FRMD1: variants seen among roughly 807,000 people sequenced by gnomAD.
FRMD1 encodes FERM domain containing 1, also known as FERM domain-containing protein 1.
In FRMD1, 51 loss-of-function variants were observed where a neutral mutation model predicts 54.9. That is an observed-to-expected ratio of 0.93 (90% CI 0.74 to 1.17). The LOEUF (loss-of-function observed/expected upper bound fraction) is 1.17. Ranked by LOEUF, FRMD1 falls within the 50% of genes most tolerant of loss-of-function variation. The pLI, the probability that FRMD1 is intolerant of heterozygous loss-of-function variation, is 0.00. For missense variants in FRMD1, 729 were observed against 743.0 expected, an observed-to-expected ratio of 0.98 and a Z score of 0.22; for synonymous variants, 324 against 306.4, an observed-to-expected ratio of 1.06 and a Z score of -0.60.
In FRMD1 at chr6:168,056,898, G is replaced by A; in HGVS notation, c.*199C>T. 2.0e-6 allele frequency: 1 copy of A among 510,992 alleles called. No homozygotes were observed. Among genetic ancestry groups the A allele is most frequent in the Middle Eastern group, 5.2e-4 (1 of 1,914 alleles). The allele number at this position is 510,992 out of a possible 1,614,324, so 31.7% of individuals were successfully genotyped here. ...TCCCGGGTGTATGGCAGACAGGCAT[G>A]AGGTGCGGGACCTGTTTGTTACCTC... is the stretch of plus-strand genomic sequence containing the variant. On this transcript the variant is annotated 3_prime_UTR_variant, in exon 11 of 11. Transcript: ENST00000283309.
chr6:168,073,804 G>A (rs1800425159), intron 2 of FRMD1, among the ~76,000 whole-genome samples: 1 of 152,112 alleles, frequency 6.6e-6, no homozygotes, highest in Admixed American at 6.5e-5. Context: ...ACACTGGGAG[G>A]ATGGAGTGTG....
At chr6:168,092,056 GGCT>G (rs1801024537) in intron 1 of FRMD1, among the ~76,000 whole-genome samples, 1 of 152,238 alleles carries the variant, frequency 6.6e-6, no homozygotes, top group Admixed American at 6.5e-5. Flanking sequence ...CCCTCTGCTG[GGCT>G]GCTGCTGGCT....
intron 1 of FRMD1, chr6:168,075,853 GT>G: frequency 1.3e-5 from 19 of 1,450,886 alleles, no homozygotes; most frequent in East Asian, 8.3e-5. Context: ...CCGGCGTCCC[GT>G]GTCCACATTT....
intron 1 of FRMD1, chr6:168,075,669 T>G (rs1182291429): frequency 1.6e-6 from 2 of 1,262,500 alleles, no homozygotes; most frequent in Admixed American, 2.0e-5. Flanking sequence ...AGGGCCGCCC[T>G]CTGGGCTCTG....
chr6:168,061,973 C>G lies in FRMD1; in HGVS notation c.879G>C (p.Lys293Asn). 1 of 1,594,414 alleles carries G rather than the reference C, an allele frequency of 6.3e-7. No individual in the cohort carries two copies. The highest frequency in any genetic ancestry group is 8.5e-7 in the Non-Finnish European group (1 of 1,171,048). ...GCAGCCCATCCAGCTGGATCTCCAG[C>G]TTCTTTCCCTGAGCAAACAGGAGAG... ...LRGVHIYQGK[K>N]LEIQLDGLPA... The change falls in exon 8 of 11, where the codon AAG (lysine) becomes AAC (asparagine). Residue 293 changes from lysine (K) to asparagine (N), a missense_variant. Lys to Asn is a moderately conservative substitution (Grantham distance 94). Coordinates refer to ENST00000283309, the MANE Select transcript of FRMD1 (RefSeq NM_024919.6).
Position 168,062,918 on chromosome 6 carries a change from G to T in FRMD1, c.846C>A (p.Ala282=). ...CCTGGTAGATGTGCACTCCCCTGAGGGCCAGTCCCAGGATCACGGTGGGAC... is the reference window on the plus strand; with the variant it reads ...CCTGGTAGATGTGCACTCCCCTGAGTGCCAGTCCCAGGATCACGGTGGGAC... The part of the protein sequence containing the change: ...EGRPTVILGL[A]LRGVHIYQGK... Residue 282 remains alanine, a synonymous_variant, in exon 7 of 11, where the codon GCC becomes GCA. Coordinates refer to ENST00000283309, the MANE Select transcript of FRMD1 (RefSeq NM_024919.6). 6.2e-7 allele frequency: 1 copy of T among 1,614,090 alleles called. No individual in the cohort carries two copies. Among genetic ancestry groups the T allele is most frequent in the Non-Finnish European group, 8.5e-7 (1 of 1,179,950 alleles).
intron 7 of FRMD1, 199 bp downstream of exon 7, chr6:168,062,695 G>A (rs1195804042): frequency 6.4e-7 from 1 of 1,551,096 alleles, no homozygotes. Context: ...TCCCAACGTG[G>A]GGCCAGGGGA....
chr6:168,089,112 C>A (rs1359649013), intron 1 of FRMD1, among the ~76,000 whole-genome samples: 1 of 152,258 alleles, frequency 6.6e-6, no homozygotes, highest in Non-Finnish European at 1.5e-5. Context: ...AGCAGCCTGC[C>A]TGGGGGGCTG....
chr6:168,088,186 G>A (rs1800953937), intron 1 of FRMD1, among the ~76,000 whole-genome samples: 1 of 152,222 alleles, frequency 6.6e-6, no homozygotes. Context: ...GGCCCATGCT[G>A]CCTCTGGGAT....
At chr6:168,091,541 G>A (rs7740995) in intron 1 of FRMD1, among the ~76,000 whole-genome samples, 48,720 of 152,048 alleles carry the variant, frequency 0.32, 8,335 homozygotes, top group African/African-American at 0.43. Context: ...GGGCGTCCTC[G>A]CCCTACAGAG....
rs79010811 is a variant in FRMD1, at chr6:168,072,028, C to T, written c.304+3217G>A. 2.6e-5 allele frequency among the ~76,000 whole-genome samples: 4 copies of T among 152,346 alleles called. No homozygotes were observed. The East Asian group carries it at 5.8e-4, about 22-fold the overall frequency. ...GATGACACGGACACTGTGCCTCAGT[C>T]GAAAGGGAAACAGGGTTAGAAGCCA... On this transcript the variant is annotated intron_variant, in intron 2 of 10. Transcript: ENST00000283309.
upstream of FRMD1, among the ~76,000 whole-genome samples, chr6:168,079,999 G>C (rs1283799244): frequency 6.6e-6 from 1 of 152,148 alleles, no homozygotes; most frequent in East Asian, 1.9e-4. Flanking sequence ...GTTCCCACGG[G>C]CCTGGGCTGT....
At chr6:168,075,131 G>A (rs1583200626) in intron 2 of FRMD1, 114 bp downstream of exon 2, 16 of 827,574 alleles carry the variant, frequency 1.9e-5, no homozygotes, top group Non-Finnish European at 2.7e-5. Context: ...GTGTACATAT[G>A]AGAGTGGTGT....
chr6:168,075,329 C>A lies in FRMD1; in HGVS notation c.220G>T (p.Ala74Ser), dbSNP rs773107446. The A allele has an allele frequency of 1.2e-5, 20 of 1,612,458 alleles. No homozygotes were observed. Among genetic ancestry groups the A allele is most frequent in the Non-Finnish European group, 1.6e-5 (19 of 1,179,924 alleles). The change falls in exon 2 of 11, where the codon GCT (alanine) becomes TCT (serine). Residue 74 changes from alanine to serine, a missense_variant. Coordinates refer to ENST00000283309, the MANE Select transcript of FRMD1 (RefSeq NM_024919.6). ...TGCTGGAAAAGCTCGCGGCCAGTAG[C>A]CTTCACCTGCAAAAGAGGTGGGGAG... ...EQLRLAVGVK[A>S]TGRELFQQVC... is the part of the protein sequence containing the mutation.
At chr6:168,066,861 T>G (rs757439404) in intron 3 of FRMD1, 30 bp from the exon 4 acceptor site, 2 of 1,608,892 alleles carry the variant, frequency 1.2e-6, no homozygotes, top group Non-Finnish European at 1.7e-6. Context: ...AAAGAGCAAG[T>G]GAGCCGCAGG....
At chr6:168,086,392 A>G (rs2115030486), upstream of FRMD1, among the ~76,000 whole-genome samples, 1 of 147,834 alleles carries the variant, frequency 6.8e-6, no homozygotes, top group East Asian at 2.0e-4. Context: ...CATGATGCCC[A>G]CATCTTCAGT....
Position 168,078,963 on chromosome 6 carries a change from C to T in FRMD1, c.132G>A (p.Leu44=), listed in dbSNP as rs761996418. 30 of 1,611,510 alleles carry T rather than the reference C, an allele frequency of 1.9e-5. No homozygotes were observed. The highest frequency in any genetic ancestry group is 2.4e-5 in the Non-Finnish European group (28 of 1,179,900). Reference sequence around the variant, plus strand: ...GTTCCGAGGCCATCGCGTCCATTCCCAGGGTCGGCTCCTGCTGACTGCATG... The same window carrying T: ...GTTCCGAGGCCATCGCGTCCATTCCTAGGGTCGGCTCCTGCTGACTGCATG... The part of the protein sequence containing the change: ...RPACSQQEPT[L]GMDAMASEHR... The change falls in exon 1 of 11, where the codon CTG becomes CTA. Residue 44 remains leucine (L), a synonymous_variant. Transcript: ENST00000283309.
intron 2 of FRMD1, among the ~76,000 whole-genome samples, chr6:168,072,269 G>A (rs1489729932): frequency 1.3e-5 from 2 of 152,128 alleles, no homozygotes; most frequent in Non-Finnish European, 2.9e-5. Context: ...GGACCTCTGG[G>A]GGACCCCCAC....
chr6:168,059,219 G>A lies in FRMD1; in HGVS notation c.1343-31C>T, dbSNP rs781489100. ...GGAGGAGGCAGCCGTGAGCACAGGTGTCTGGGTTCTGCCCGACATGGCTCC... is the reference window on the plus strand; with the variant it reads ...GGAGGAGGCAGCCGTGAGCACAGGTATCTGGGTTCTGCCCGACATGGCTCC... On this transcript the variant is annotated intron_variant, in intron 9 of 10. Coordinates refer to ENST00000283309, the MANE Select transcript of FRMD1 (RefSeq NM_024919.6). This position sits in a 1 kb window ranked among gnomAD's most constrained non-coding sequence, Gnocchi z 4.4. 44 of 1,553,922 alleles carry A rather than the reference G, an allele frequency of 2.8e-5. No homozygotes were observed. The South Asian group carries it at 4.9e-4, about 17-fold the overall frequency.
Sources: allele counts gnomAD v4.1 joint callset (sites outside exome capture counted in the v4.1 genomes callset), GRCh38; gene constraint gnomAD v4.1.1; non-coding constraint Gnocchi (gnomAD v3.1); transcripts MANE v1.5; gene names NCBI Gene and HGNC (gene_info 2026-07-23, HGNC 2026-07-21).